The following RASGRP3 variants were observed in gnomAD, a reference collection of about 807,000 sequenced individuals.
RASGRP3 encodes the protein RAS guanyl releasing protein 3, also known as ras guanyl-releasing protein 3.
Under a neutral mutation model 82.7 loss-of-function variants are expected in RASGRP3, and 54 were observed. The observed-to-expected ratio is 0.65, with a 90% CI of 0.52 to 0.82. RASGRP3 has a LOEUF of 0.82. Ranked by LOEUF, RASGRP3 falls within the 40% of genes least tolerant of loss-of-function variation. The pLI, the probability that RASGRP3 is intolerant of heterozygous loss-of-function variation, is 0.00. For synonymous variants in RASGRP3, 309 were observed against 300.5 expected, an observed-to-expected ratio of 1.03 and a Z score of -0.29; for missense variants, 861 against 828.9, an observed-to-expected ratio of 1.04 and a Z score of -0.48.
chr2:33,539,500 G>A, intron 12 of RASGRP3: 1 of 233,690 alleles, frequency 4.3e-6, no homozygotes, highest in African/African-American at 2.3e-5. Flanking sequence ...CAAGGGATTG[G>A]GGATTAGAAT....
intron 1 of RASGRP3, among the ~76,000 whole-genome samples, chr2:33,499,390 A>G (rs1669643587): frequency 6.6e-6 from 1 of 151,948 alleles, no homozygotes; most frequent in South Asian, 2.1e-4. Context: ...AAACCCCCAT[A>G]TCTACCAAAA....
chr2:33,508,047 G>A (rs568524336), intron 1 of RASGRP3, among the ~76,000 whole-genome samples: 26 of 152,168 alleles, frequency 1.7e-4, no homozygotes, highest in Non-Finnish European at 2.8e-4. Context: ...CTGATCCATT[G>A]TCTATGGGGA....
At chr2:33,463,612 T>TG (rs1666503577) in intron 2 of RASGRP3, among the ~76,000 whole-genome samples, 1 of 145,074 alleles carries the variant, frequency 6.9e-6, no homozygotes, top group Non-Finnish European at 1.5e-5. Flanking sequence ...TTTTTTTTTT[T>TG]TTTTGAGACA....
At position 33,515,179 on chromosome 2, in the gene RASGRP3, C is replaced by A; in HGVS notation, c.43C>A (p.Leu15Met). 1 of 1,613,980 alleles carries A rather than the reference C, an allele frequency of 6.2e-7. No individual in the cohort carries two copies. The highest frequency in any genetic ancestry group is 8.5e-7 in the Non-Finnish European group (1 of 1,179,870). The change falls in exon 3 of 18, where the codon CTG becomes ATG. Residue 15 changes from leucine to methionine, a missense_variant. Leu to Met is a conservative substitution (Grantham distance 15). Coordinates refer to ENST00000403687, the MANE Select transcript of RASGRP3 (RefSeq NM_001139488.2). ...GLGKAATLDE[L>M]LCTCIEMFDD... ...TGGGAAAGCAGCAACATTAGATGAA[C>A]TGCTGTGCACTTGCATTGAGATGTT...
chr2:33,469,709 C>T (rs886999758), intron 2 of RASGRP3, among the ~76,000 whole-genome samples: 6 of 152,200 alleles, frequency 3.9e-5, no homozygotes, highest in East Asian at 1.9e-4. Context: ...GATCTGCCCA[C>T]CTCGGCCTCC....
chr2:33,558,727 C>A lies in RASGRP3; in HGVS notation c.1761C>A (p.Asp587Glu), dbSNP rs778207490. ...TCACTGCTGGACACAGGGATTTAGA[C>A]AGCAGAGCCATCACACTGGTTACAG... ...PGVTAGHRDL[D>E]SRAITLVTGS... Residue 587 changes from aspartate (D) to glutamate (E), a missense_variant, in exon 17 of 18, where the codon GAC becomes GAA. Coordinates refer to ENST00000403687, the MANE Select transcript of RASGRP3 (RefSeq NM_001139488.2). 1.2e-6 allele frequency: 2 copies of A among 1,613,788 alleles called. No homozygotes were observed. The highest frequency in any genetic ancestry group is 1.1e-5 in the South Asian group (1 of 91,026).
intron 13 of RASGRP3, among the ~76,000 whole-genome samples, chr2:33,548,299 TG>T (rs1675010095): frequency 7.1e-6 from 1 of 141,452 alleles, no homozygotes; most frequent in Non-Finnish European, 1.5e-5. Flanking sequence ...AGGCGGAGCT[TG>T]CAGTGAGCCG....
rs78655476 is a variant in RASGRP3 at position 33,564,430 on chromosome 2, G to C, written c.*1693G>C. The C allele has an allele frequency of 5.9e-3, 905 of 152,298 alleles. 6 individuals are homozygous for C. The highest frequency in any genetic ancestry group is 0.021 in the African/African-American group (856 of 41,564). The allele number at this position is 152,298 out of a possible 1,614,324, so 9.4% of individuals were successfully genotyped here. On this transcript the variant is annotated 3_prime_UTR_variant, in exon 18 of 18. Transcript: ENST00000403687. ...AGCCATCCCTAGATGTTGGTTTCAT[G>C]TATATTACACTATCTACTACTATCC...
In RASGRP3 at chr2:33,547,470, G is replaced by C. The variant is rs570745651; in HGVS notation, c.1395-2134G>C. 1.0e-4 allele frequency among the ~76,000 whole-genome samples: 15 copies of C among 143,796 alleles called. 1 individual carries two copies. In the South Asian group the frequency reaches 3.3e-3, roughly 31 times the overall value. 94.3% of individuals were successfully genotyped at this position (143,796 alleles called of 152,430 possible). On this transcript the variant is annotated intron_variant, in intron 13 of 17. Coordinates refer to ENST00000403687, the MANE Select transcript of RASGRP3 (RefSeq NM_001139488.2). Reference sequence around the variant, plus strand: ...AAAGGGATCTTAAGTTCTCAAGCCTGGGGGAAAATTGTGGCACAGCAAACA... The same window carrying C: ...AAAGGGATCTTAAGTTCTCAAGCCTCGGGGAAAATTGTGGCACAGCAAACA...
rs1677046175 is a variant in RASGRP3, at chr2:33,564,634, T to C, written c.*1897T>C. 1 of 152,232 alleles carries C rather than the reference T, an allele frequency of 6.6e-6. No homozygotes were observed. The highest frequency in any genetic ancestry group is 6.5e-5 in the Admixed American group (1 of 15,286). The allele number at this position is 152,232 out of a possible 1,614,324, so 9.4% of individuals were successfully genotyped here. On this transcript the variant is annotated 3_prime_UTR_variant, in exon 18 of 18. Coordinates refer to ENST00000403687, the MANE Select transcript of RASGRP3 (RefSeq NM_001139488.2). ...TATTCACTTGCCACTTTGGTTATTT[T>C]TGAGTTTTCGTACATAGGAAGTTTT...
chr2:33,562,601 C>T, intron 17 of RASGRP3, 128 bp from the exon 18 acceptor site: 1 of 1,037,716 alleles, frequency 9.6e-7, no homozygotes, highest in Non-Finnish European at 1.4e-6. Flanking sequence ...CCCACTAAAT[C>T]CTGAGACTAC....
intron 13 of RASGRP3, among the ~76,000 whole-genome samples, chr2:33,547,722 C>G (rs1674938875): frequency 6.6e-6 from 1 of 152,056 alleles, no homozygotes; most frequent in Non-Finnish European, 1.5e-5. Context: ...GGTGGGAACT[C>G]TTAGAGGGAG....
intron 5 of RASGRP3, 92 bp from the exon 6 acceptor site, chr2:33,520,461 G>A: frequency 6.7e-7 from 1 of 1,497,346 alleles, no homozygotes; most frequent in Non-Finnish European, 9.2e-7. Flanking sequence ...CCTGGACTTG[G>A]TGTTAAATGT....
chr2:33,439,829 A>T (rs987617746), intron 1 of RASGRP3, among the ~76,000 whole-genome samples: 8 of 152,120 alleles, frequency 5.3e-5, no homozygotes, highest in Admixed American at 6.6e-5. Context: ...CCTGGGGCCG[A>T]TGAGAAGTTC....
intron 1 of RASGRP3, among the ~76,000 whole-genome samples, chr2:33,443,511 A>G (rs998953184): frequency 1.3e-5 from 2 of 152,148 alleles, no homozygotes; most frequent in African/African-American, 4.8e-5. Context: ...GGTTAGCCTG[A>G]TATGGAGTAA....
chr2:33,444,364 C>T (rs1282616715), intron 1 of RASGRP3, among the ~76,000 whole-genome samples: 1 of 152,154 alleles, frequency 6.6e-6, no homozygotes, highest in Non-Finnish European at 1.5e-5. Context: ...AACATTTCAA[C>T]ATGCACCCAA....
At chr2:33,549,528 TG>T in intron 13 of RASGRP3, 75 bp from the exon 14 acceptor site, 1 of 1,398,312 alleles carries the variant, frequency 7.2e-7, no homozygotes, top group Non-Finnish European at 9.8e-7. Context: ...GTTTGGGAGG[TG>T]GGTGATTAAA....
In RASGRP3 at chr2:33,549,847, T is replaced by C. The variant is rs1675200695; in HGVS notation, c.1542+96T>C. 3 of 1,371,588 alleles carry C rather than the reference T, an allele frequency of 2.2e-6. No individual in the cohort carries two copies. In the South Asian group the frequency reaches 4.6e-5, roughly 21 times the overall value. 85.0% of individuals were successfully genotyped at this position (1,371,588 alleles called of 1,614,324 possible). A position where few individuals can be genotyped will look rare whatever the true frequency, so the allele number is the denominator to read the frequency against. ...GATACACTAAATAAAGTTCACTGTCTGCTTTGAATCAGAAGTAAAATGTGA... is the reference window on the plus strand; with the variant it reads ...GATACACTAAATAAAGTTCACTGTCCGCTTTGAATCAGAAGTAAAATGTGA... On this transcript the variant is annotated intron_variant, in intron 14 of 17. Transcript: ENST00000403687.
intron 6 of RASGRP3, among the ~76,000 whole-genome samples, chr2:33,521,484 A>G (rs1672030161): frequency 6.6e-6 from 1 of 152,268 alleles, no homozygotes; most frequent in African/African-American, 2.4e-5. Flanking sequence ...TGGTGAAAAT[A>G]CATATTATTC....
Sources: gnomAD v4.1 joint callset for allele counts (sites outside exome capture counted in the v4.1 genomes callset) on GRCh38, gnomAD v4.1.1 for gene constraint, MANE v1.5 for transcripts, NCBI Gene and HGNC (gene_info 2026-07-23, HGNC 2026-07-21) for gene names.